The following VIPR1 variants were observed in gnomAD, a reference collection of about 807,000 sequenced individuals.
VIPR1 encodes vasoactive intestinal polypeptide receptor 1.
A neutral mutation model predicts 58.8 loss-of-function variants in VIPR1; 59 were observed. The ratio of observed to expected loss-of-function variants is 1.00; its 90% CI spans 0.81 to 1.25. The LOEUF is 1.25. Ranked by LOEUF, VIPR1 falls within the 50% of genes most tolerant of loss-of-function variation. VIPR1 has a pLI of 0.00. For synonymous variants in VIPR1, 251 were observed against 242.1 expected (o/e 1.04, Z -0.34); for missense variants, 626 against 602.7 (o/e 1.04, Z -0.40).
At position 42,513,731 on chromosome 3, in the gene VIPR1, C is replaced by T; in HGVS notation, c.79-18C>T. On this transcript the variant is annotated intron_variant, in intron 1 of 12. Transcript: ENST00000325123. ...TCTATGGACGAGGCTGATGGGCCCT[C>T]CCTGTCTTTGTTCTCAGGGCGGCCA... is the stretch of plus-strand genomic sequence containing the variant. 2 of 1,550,994 alleles carry T rather than the reference C, an allele frequency of 1.3e-6. No homozygotes were observed. Among genetic ancestry groups the T allele is most frequent in the Non-Finnish European group, 1.7e-6 (2 of 1,146,714 alleles).
At chr3:42,495,989 T>A (rs1247367394) in intron 1 of VIPR1, among the ~76,000 whole-genome samples, 1 of 151,860 alleles carries the variant, frequency 6.6e-6, no homozygotes, top group African/African-American at 2.4e-5. Context: ...AAATGTGAGA[T>A]AATAATGAGT....
intron 1 of VIPR1, among the ~76,000 whole-genome samples, chr3:42,512,489 C>T (rs888948133): frequency 6.6e-6 from 1 of 152,162 alleles, no homozygotes; most frequent in Non-Finnish European, 1.5e-5. Context: ...CACTTTGGTG[C>T]CTGCAGGCCA....
intron 2 of VIPR1, among the ~76,000 whole-genome samples, chr3:42,518,542 C>T (rs1237104113): frequency 2.0e-5 from 3 of 152,128 alleles, no homozygotes; most frequent in Non-Finnish European, 4.4e-5. Flanking sequence ...AGTTCGAGAT[C>T]AGCCTGGCCA....
intron 1 of VIPR1, among the ~76,000 whole-genome samples, chr3:42,491,085 C>T (rs941815417): frequency 1.3e-5 from 2 of 152,074 alleles, no homozygotes; most frequent in Non-Finnish European, 1.5e-5. Context: ...CAAACTTTGA[C>T]AGGAGGATGC....
chr3:42,530,040 A>G (rs1363066416), intron 6 of VIPR1: 1 of 150,634 alleles, frequency 6.6e-6, no homozygotes, highest in African/African-American at 2.5e-5. Context: ...TCCACAGTCC[A>G]CAGCCCTCCA....
chr3:42,495,084 G>A (rs1014974416), intron 1 of VIPR1, among the ~76,000 whole-genome samples: 3 of 151,330 alleles, frequency 2.0e-5, no homozygotes, highest in Admixed American at 6.6e-5. Context: ...AGTTTTATTA[G>A]ACCTTAATAT....
intron 12 of VIPR1, among the ~76,000 whole-genome samples, chr3:42,535,763 T>G (rs1224273376): frequency 6.6e-6 from 1 of 151,936 alleles, no homozygotes; most frequent in African/African-American, 2.4e-5. Flanking sequence ...CTGGTTACAT[T>G]GCACAAAAAA....
intron 1 of VIPR1, among the ~76,000 whole-genome samples, chr3:42,497,100 C>A (rs2125625091): frequency 6.6e-6 from 1 of 152,292 alleles, no homozygotes; most frequent in South Asian, 2.1e-4. Flanking sequence ...CAGCTACACA[C>A]AGGAACGCAG....
chr3:42,497,340 G>A (rs1317506944), intron 1 of VIPR1, among the ~76,000 whole-genome samples: 2 of 152,070 alleles, frequency 1.3e-5, no homozygotes, highest in African/African-American at 2.4e-5. Context: ...CCCTGCACAC[G>A]CTGGCCAAGC....
rs756882379 is a variant in VIPR1, at chr3:42,519,334, A to G, written c.292+4A>G. 65 of 1,602,532 alleles carry G rather than the reference A, an allele frequency of 4.1e-5. No homozygotes were observed. Among genetic ancestry groups the G allele is most frequent in the Non-Finnish European group, 5.5e-5 (65 of 1,174,454 alleles). ...AAGCTCTTCTCCTCCATTCAAGGTAAGACCCCTGGGTTGAAGAGGTGATGT... is the reference window on the plus strand; with the variant it reads ...AAGCTCTTCTCCTCCATTCAAGGTAGGACCCCTGGGTTGAAGAGGTGATGT... On this transcript the variant is annotated splice_donor_region_variant and intron_variant, in intron 3 of 12. Transcript: ENST00000325123.
intron 1 of VIPR1, among the ~76,000 whole-genome samples, chr3:42,496,331 ACACTT>A (rs1370513138): frequency 6.6e-6 from 1 of 152,244 alleles, no homozygotes; most frequent in Non-Finnish European, 1.5e-5. Context: ...GACATGATTT[ACACTT>A]TTACTGCATA....
At chr3:42,495,412 T>C (rs919347570) in intron 1 of VIPR1, among the ~76,000 whole-genome samples, 2 of 152,200 alleles carry the variant, frequency 1.3e-5, no homozygotes, top group Non-Finnish European at 2.9e-5. Context: ...TGAGCCACTG[T>C]GCCTGGCCTG....
chr3:42,495,171 G>C (rs986274501), intron 1 of VIPR1, among the ~76,000 whole-genome samples: 1 of 151,978 alleles, frequency 6.6e-6, no homozygotes, highest in Non-Finnish European at 1.5e-5. Flanking sequence ...ACCCAGGCTG[G>C]AGTGCAGTGG....
intron 7 of VIPR1, 88 bp downstream of exon 7, chr3:42,531,020 C>T: frequency 6.5e-7 from 1 of 1,526,896 alleles, no homozygotes; most frequent in Non-Finnish European, 8.9e-7. Flanking sequence ...ACCCAGCTTG[C>T]AGTCCTACGT....
Position 42,536,479 on chromosome 3 carries a change from T to C in VIPR1, c.*198T>C, listed in dbSNP as rs1443766682. 4.0e-6 allele frequency: 2 copies of C among 505,636 alleles called. No individual in the cohort carries two copies. The highest frequency in any genetic ancestry group is 6.7e-6 in the Non-Finnish European group (2 of 299,684). The allele number at this position is 505,636 out of a possible 1,614,324, so 31.3% of individuals were successfully genotyped here. A position where few individuals can be genotyped will look rare whatever the true frequency, so the allele number is the denominator to read the frequency against. The stretch of plus-strand genomic sequence containing the variant: ...GCCTGCCTGGAGCGTTTCTAGCAAG[T>C]GAGAGAGATGGGAGCTCCTCTCCTG... On this transcript the variant is annotated 3_prime_UTR_variant, in exon 13 of 13. Coordinates refer to ENST00000325123, the MANE Select transcript of VIPR1 (RefSeq NM_004624.4).
upstream of VIPR1, among the ~76,000 whole-genome samples, chr3:42,498,448 C>G (rs941384722): frequency 3.3e-5 from 5 of 152,142 alleles, no homozygotes; most frequent in African/African-American, 1.2e-4. Flanking sequence ...TCACAGGTCC[C>G]CCTGCCATCC....
intron 1 of VIPR1, chr3:42,509,681 A>G (rs1412174581): frequency 1.3e-5 from 2 of 152,212 alleles, no homozygotes; most frequent in Admixed American, 1.3e-4. Flanking sequence ...CCCAGAAGGG[A>G]CCCAGGCTGA....
chr3:42,520,707 AG>A (rs1318015842), intron 3 of VIPR1, among the ~76,000 whole-genome samples: 1 of 152,164 alleles, frequency 6.6e-6, no homozygotes, highest in Non-Finnish European at 1.5e-5. Flanking sequence ...AACAGAACTC[AG>A]GCATCTCTCA....
upstream of VIPR1, among the ~76,000 whole-genome samples, chr3:42,498,218 A>AG (rs1329736085): frequency 2.6e-4 from 39 of 152,332 alleles, no homozygotes; most frequent in Admixed American, 7.2e-4. Flanking sequence ...TGGAGCCTCT[A>AG]GCCACATTGC....
Sources: gnomAD v4.1 joint callset for allele counts (sites outside exome capture counted in the v4.1 genomes callset) on GRCh38, gnomAD v4.1.1 for gene constraint, MANE v1.5 for transcripts, NCBI Gene and HGNC (gene_info 2026-07-23, HGNC 2026-07-21) for gene names.